Variants in EEIG1 observed in about 807,000 individuals in gnomAD.
EEIG1 encodes estrogen-induced osteoclastogenesis regulator 1.
At chr9:127,964,500 G>A in the EEIG1 span, among the ~76,000 whole-genome samples, 3 of 152,208 alleles carry the variant, frequency 2.0e-5, no homozygotes, top group African/African-American at 7.2e-5. Flanking sequence ...TACAGACAGG[G>A]GTCAAATGGG....
chr9:127,941,395 C>T, the EEIG1 span: 1 of 152,626 alleles, frequency 6.6e-6, no homozygotes, highest in African/African-American at 2.4e-5. Context: ...AACTCCCCAT[C>T]TTCTGGGGGC....
the EEIG1 span, chr9:127,943,291 G>C: frequency 3.9e-6 from 6 of 1,552,854 alleles, no homozygotes; most frequent in African/African-American, 1.4e-5. Context: ...TTTCCTGAGC[G>C]CTCCACTGGA....
chr9:127,978,965 C>T, the EEIG1 span, among the ~76,000 whole-genome samples: 815 of 152,156 alleles, frequency 5.4e-3, 4 homozygotes, highest in African/African-American at 0.019. Flanking sequence ...TGCAGTGAGC[C>T]ATGCTTGTGT....
At chr9:127,944,691 G>C in the EEIG1 span, 1 of 1,612,970 alleles carries the variant, frequency 6.2e-7, no homozygotes, top group Non-Finnish European at 8.5e-7. Flanking sequence ...CTGTCTGTGG[G>C]GACACAGGAG....
At chr9:127,942,924 G>A in the EEIG1 span, 12 of 507,806 alleles carry the variant, frequency 2.4e-5, no homozygotes, top group South Asian at 8.8e-5. Flanking sequence ...CAAGCTGCAC[G>A]GGCCCGCCTG....
At chr9:127,972,695 C>T in the EEIG1 span, 2 of 152,284 alleles carry the variant, frequency 1.3e-5, no homozygotes, top group African/African-American at 4.8e-5. This position sits in a 1 kb window ranked among gnomAD's most constrained non-coding sequence, Gnocchi z 4.3. Flanking sequence ...AGAAAGGCCT[C>T]TGTCAGAGCT....
chr9:127,944,705 A>T, the EEIG1 span: 1 of 1,612,776 alleles, frequency 6.2e-7, no homozygotes, highest in Non-Finnish European at 8.5e-7. Flanking sequence ...ACAGGAGAGG[A>T]TGGAGGCTGA....
chr9:127,968,721 G>A, the EEIG1 span, among the ~76,000 whole-genome samples: 1 of 152,136 alleles, frequency 6.6e-6, no homozygotes, highest in African/African-American at 2.4e-5. Context: ...GAGGTGACCA[G>A]GAGATAATTG....
At chr9:127,948,245 G>A in the EEIG1 span, 3 of 1,613,546 alleles carry the variant, frequency 1.9e-6, no homozygotes, top group Non-Finnish European at 2.5e-6. Flanking sequence ...ACAGACAGGT[G>A]TGACTAGGGT....
the EEIG1 span, among the ~76,000 whole-genome samples, chr9:127,959,381 G>A: frequency 6.6e-6 from 1 of 152,220 alleles, no homozygotes; most frequent in Non-Finnish European, 1.5e-5. Context: ...AATCAAAGCA[G>A]CCAGCCAGAA....
the EEIG1 span, among the ~76,000 whole-genome samples, chr9:127,965,378 A>G: frequency 6.6e-6 from 1 of 152,084 alleles, no homozygotes; most frequent in Non-Finnish European, 1.5e-5. Flanking sequence ...AGGTCTTAAA[A>G]GGGCATTTTA....
At chr9:127,953,670 C>T in the EEIG1 span, 2 of 1,607,996 alleles carry the variant, frequency 1.2e-6, no homozygotes, top group South Asian at 2.2e-5. Flanking sequence ...ATGCATCTCC[C>T]ACAATCCCCC....
chr9:127,974,266 C>A, the EEIG1 span, among the ~76,000 whole-genome samples: 3 of 152,150 alleles, frequency 2.0e-5, no homozygotes. Context: ...GGCCCCTGAA[C>A]CTTCTCCACC....
the EEIG1 span, among the ~76,000 whole-genome samples, chr9:127,975,092 G>A: frequency 1.3e-5 from 2 of 152,264 alleles, no homozygotes; most frequent in Admixed American, 6.5e-5. Context: ...TTCCTAGAAG[G>A]GCGGGTGAGG....
At chr9:127,980,161 C>T in the EEIG1 span, 2 of 1,602,926 alleles carry the variant, frequency 1.2e-6, no homozygotes, top group Non-Finnish European at 1.7e-6. Context: ...GAGTCTGAAG[C>T]CCCGAAGGCG....
At chr9:127,978,677 T>TA in the EEIG1 span, among the ~76,000 whole-genome samples, 19 of 151,860 alleles carry the variant, frequency 1.3e-4, no homozygotes. Context: ...CCATTTCTAC[T>TA]AAAAATACAA....
At chr9:127,953,482 C>G in the EEIG1 span, 4 of 1,161,290 alleles carry the variant, frequency 3.4e-6, no homozygotes, top group South Asian at 5.2e-5. Flanking sequence ...GTGCCTCTTG[C>G]TTGTGGCAGA....
At chr9:127,955,610 C>T in the EEIG1 span, among the ~76,000 whole-genome samples, 1 of 152,196 alleles carries the variant, frequency 6.6e-6, no homozygotes, top group African/African-American at 2.4e-5. Context: ...CAGGAGAGGG[C>T]GGGGGAACAG....
the EEIG1 span, among the ~76,000 whole-genome samples, chr9:127,955,924 T>C: frequency 5.3e-5 from 8 of 152,356 alleles, no homozygotes; most frequent in African/African-American, 1.7e-4. Context: ...GTGGCTGCTG[T>C]TGTGGGAGCA....
Sources: gnomAD v4.1 joint callset for allele counts (sites outside exome capture counted in the v4.1 genomes callset) on GRCh38, gnomAD v4.1.1 for gene constraint, Gnocchi (gnomAD v3.1) non-coding constraint, MANE v1.5 for transcripts, NCBI Gene and HGNC (gene_info 2026-07-23, HGNC 2026-07-21) for gene names.